DMD: variants seen among roughly 807,000 people sequenced by gnomAD.
The protein encoded by DMD is dystrophin.
In DMD, 63 loss-of-function variants were observed where a neutral mutation model predicts 330.1. The ratio of observed to expected loss-of-function variants is 0.19; its 90% CI spans 0.16 to 0.24. The LOEUF is 0.24. Ranked by LOEUF, DMD falls within the 10% of genes least tolerant of loss-of-function variation. DMD has a pLI of 1.00. For synonymous variants in DMD, 1,223 were observed against 959.8 expected (o/e 1.27, Z -5.07); for missense variants, 3,344 against 2,684.1 (o/e 1.25, Z -5.43).
intron 54 of DMD, among the ~76,000 whole-genome samples, chrX:31,628,751 C>T (rs1285122288): frequency 9.1e-6 from 1 of 109,476 alleles, no homozygotes; most frequent in Non-Finnish European, 1.9e-5. Flanking sequence ...ATAAAAAATT[C>T]CTGTGAAGTT....
At chrX:32,053,719 CTAA>C (rs1346281953) in intron 44 of DMD, among the ~76,000 whole-genome samples, 3 of 111,607 alleles carry the variant, frequency 2.7e-5, no homozygotes, top group Non-Finnish European at 5.7e-5. Flanking sequence ...AAGGTTGGTT[CTAA>C]TGACATCTCC....
intron 55 of DMD, among the ~76,000 whole-genome samples, chrX:31,557,566 C>A (rs966274238): frequency 1.8e-5 from 2 of 112,223 alleles, no homozygotes; most frequent in Non-Finnish European, 3.8e-5. Flanking sequence ...AGGGTTTTAT[C>A]ATTTTCATCC....
chrX:31,732,161 C>T (rs2086555778), intron 51 of DMD, among the ~76,000 whole-genome samples: 3 of 96,690 alleles, frequency 3.1e-5, no homozygotes, highest in Admixed American at 1.2e-4. Context: ...AGGTTCACAA[C>T]TGCAGTACAA....
At chrX:31,171,066 G>A (rs1255162766) in intron 73 of DMD, among the ~76,000 whole-genome samples, 1 of 112,093 alleles carries the variant, frequency 8.9e-6, no homozygotes, top group African/African-American at 3.2e-5. Context: ...AGAAGCACAA[G>A]CTATTTACAT....
intron 64 of DMD, among the ~76,000 whole-genome samples, chrX:31,210,677 C>G (rs1490493403): frequency 8.9e-6 from 1 of 111,865 alleles, no homozygotes; most frequent in East Asian, 2.8e-4. Context: ...TCTCATGCAT[C>G]TAGGGGGAAG....
At chrX:32,229,673 A>G (rs1288382285) in intron 43 of DMD, among the ~76,000 whole-genome samples, 7 of 69,854 alleles carry the variant, frequency 1.0e-4, no homozygotes, top group Admixed American at 3.8e-4. Context: ...TATCTCAAAG[A>G]GTTTCATCAT....
intron 52 of DMD, among the ~76,000 whole-genome samples, chrX:31,725,725 C>T (rs751460135): frequency 9.0e-6 from 1 of 111,665 alleles, no homozygotes; most frequent in South Asian, 3.8e-4. Context: ...CTGTATAGCC[C>T]CGAAATGGTA....
At chrX:32,457,980 T>C (rs958875551) in intron 25 of DMD, among the ~76,000 whole-genome samples, 1 of 111,361 alleles carries the variant, frequency 9.0e-6, no homozygotes, top group Non-Finnish European at 1.9e-5. Flanking sequence ...TTGTTTTCTA[T>C]CTAACAAACA....
chrX:32,038,274 C>G (rs2095967383), intron 44 of DMD, among the ~76,000 whole-genome samples: 1 of 111,877 alleles, frequency 8.9e-6, no homozygotes, highest in Admixed American at 9.5e-5. Context: ...AGATTATACA[C>G]TAGGTTCGTC....
At position 32,614,439 on chromosome X, in the gene DMD, A is replaced by G; in HGVS notation, c.1346T>C (p.Leu449Ser). 1 of 1,206,640 alleles carries G rather than the reference A, an allele frequency of 8.3e-7. No individual in the cohort carries two copies. Among genetic ancestry groups the G allele is most frequent in the Non-Finnish European group, 1.1e-6 (1 of 892,163 alleles). ...CAGTTTCTGATTCTGGAGATCCATT[A>G]AAACTCTATGTAAACTGAAAATTTG... is the stretch of plus-strand genomic sequence containing the variant. Reference protein sequence around the residue: ...MEKQSNLHRVLMDLQNQKLKE... With the variant: ...MEKQSNLHRVSMDLQNQKLKE... The change falls in exon 12 of 79, where the codon TTA becomes TCA. Residue 449 changes from leucine (L) to serine (S), a missense_variant. Leu to Ser is a moderately radical substitution (Grantham distance 145). Transcript: ENST00000357033.
chrX:32,647,108 G>T (rs1002066719), intron 9 of DMD, among the ~76,000 whole-genome samples: 3 of 111,549 alleles, frequency 2.7e-5, no homozygotes, highest in Non-Finnish European at 5.6e-5. Flanking sequence ...TGTGCAACCT[G>T]AGCAGTTGCA....
intron 7 of DMD, among the ~76,000 whole-genome samples, chrX:32,737,142 G>A (rs183105507): frequency 1.8e-5 from 2 of 109,870 alleles, no homozygotes; most frequent in African/African-American, 3.3e-5. Flanking sequence ...ACAACAAAAG[G>A]GGGGGGACAT....
chrX:31,629,209 T>C (rs2079015578), intron 54 of DMD, among the ~76,000 whole-genome samples: 2 of 111,884 alleles, frequency 1.8e-5, no homozygotes, highest in South Asian at 7.5e-4. Context: ...CTTGTTAAGA[T>C]GTGATTGTCA....
At chrX:32,445,687 T>C (rs1158723683) in intron 27 of DMD, among the ~76,000 whole-genome samples, 3 of 110,827 alleles carry the variant, frequency 2.7e-5, no homozygotes, top group Non-Finnish European at 5.7e-5. Flanking sequence ...GACGGTGTCA[T>C]GTTTATTACT....
At chrX:31,967,294 AGG>A in intron 45 of DMD, among the ~76,000 whole-genome samples, 1 of 78,295 alleles carries the variant, frequency 1.3e-5, no homozygotes, top group East Asian at 4.4e-4. Flanking sequence ...AACTTTGGCA[AGG>A]GGTGTGTGTG....
intron 7 of DMD, among the ~76,000 whole-genome samples, chrX:32,735,611 G>A (rs138293652): frequency 0.011 from 1,178 of 110,640 alleles, 17 homozygotes; most frequent in Admixed American, 0.03. Context: ...AAATAACGCC[G>A]CATATCTACC....
At chrX:32,731,625 C>A (rs1279823313) in intron 7 of DMD, among the ~76,000 whole-genome samples, 1 of 112,288 alleles carries the variant, frequency 8.9e-6, no homozygotes, top group East Asian at 2.8e-4. Flanking sequence ...AGCACCCTAA[C>A]TGGGAGGCAC....
intron 44 of DMD, among the ~76,000 whole-genome samples, chrX:32,148,070 G>C (rs916497266): frequency 1.8e-5 from 2 of 109,269 alleles, no homozygotes; most frequent in East Asian, 2.9e-4. Flanking sequence ...GTAGAGACGG[G>C]GTTTCACCGT....
chrX:33,286,179 A>G (rs1259984510), intron 1 of DMD, among the ~76,000 whole-genome samples: 1 of 111,861 alleles, frequency 8.9e-6, no homozygotes, highest in Admixed American at 9.5e-5. Flanking sequence ...ATGTTCCACC[A>G]AAGTATACCT....
Sources: allele counts gnomAD v4.1 joint callset (sites outside exome capture counted in the v4.1 genomes callset), GRCh38; gene constraint gnomAD v4.1.1; transcripts MANE v1.5; gene names NCBI Gene and HGNC (gene_info 2026-07-23, HGNC 2026-07-21).